Variants in FRMD4B observed in about 807,000 individuals in gnomAD.
The protein encoded by FRMD4B is FERM domain containing 4B.
A neutral mutation model predicts 141.5 loss-of-function variants in FRMD4B; 74 were observed. That is an observed-to-expected ratio of 0.52 (90% confidence interval 0.43 to 0.63). FRMD4B has a LOEUF of 0.63. FRMD4B is among the 30% of genes least tolerant of loss of function. FRMD4B has a pLI of 0.00. For synonymous variants in FRMD4B, 506 were observed against 467.9 expected, an observed-to-expected ratio of 1.08 and a Z score of -1.05; for missense variants, 1,366 against 1,253.4, an observed-to-expected ratio of 1.09 and a Z score of -1.36.
At chr3:69,403,988 T>C (rs1371630728) in intron 2 of FRMD4B, among the ~76,000 whole-genome samples, 1 of 152,214 alleles carries the variant, frequency 6.6e-6, no homozygotes, top group Admixed American at 6.5e-5. Flanking sequence ...CTTGAATTCC[T>C]GGGCTCAAGC....
chr3:69,300,618 TG>T (rs1701182661), intron 4 of FRMD4B, among the ~76,000 whole-genome samples: 1 of 152,272 alleles, frequency 6.6e-6, no homozygotes, highest in South Asian at 2.1e-4. Context: ...AGATGGTACT[TG>T]TTAGATGTTC....
At chr3:69,470,804 T>C (rs1276820388) in intron 1 of FRMD4B, among the ~76,000 whole-genome samples, 3 of 151,914 alleles carry the variant, frequency 2.0e-5, no homozygotes, top group African/African-American at 7.3e-5. Context: ...TATTTGGGCA[T>C]GACAAGATCT....
At chr3:69,335,615 C>G (rs939731704) in intron 1 of FRMD4B, among the ~76,000 whole-genome samples, 3 of 151,592 alleles carry the variant, frequency 2.0e-5, no homozygotes, top group African/African-American at 7.3e-5. Context: ...TGCAGCCGGC[C>G]CCATAATTGC....
intron 5 of FRMD4B, among the ~76,000 whole-genome samples, chr3:69,270,117 G>T (rs1236981985): frequency 1.3e-5 from 2 of 152,050 alleles, no homozygotes. Flanking sequence ...GCAGGCTCAA[G>T]CAATCCTCCT....
chr3:69,249,690 CAAGAAA>C (rs1018611118), intron 6 of FRMD4B, among the ~76,000 whole-genome samples: 1 of 152,128 alleles, frequency 6.6e-6, no homozygotes, highest in African/African-American at 2.4e-5. Context: ...TACTGGACCA[CAAGAAA>C]ATGTATACAA....
At chr3:69,185,177 T>TGTAGTCCTGCCACTCA (rs1260204313) in intron 19 of FRMD4B, among the ~76,000 whole-genome samples, 1 of 151,870 alleles carries the variant, frequency 6.6e-6, no homozygotes, top group Non-Finnish European at 1.5e-5. Flanking sequence ...GGCAGGCACC[T>TGTAGTCCTGCCACTCA]GTAGTCCCAG....
At chr3:69,449,922 G>A (rs1447490382) in intron 1 of FRMD4B, among the ~76,000 whole-genome samples, 3 of 152,140 alleles carry the variant, frequency 2.0e-5, no homozygotes, top group Non-Finnish European at 1.5e-5. Context: ...GCTGCTTCTG[G>A]AGTCATATAT....
intron 1 of FRMD4B, among the ~76,000 whole-genome samples, chr3:69,356,950 A>C (rs1473517684): frequency 1.3e-5 from 2 of 152,196 alleles, no homozygotes; most frequent in African/African-American, 4.8e-5. Context: ...TCTGATTTTT[A>C]AACAAAACTT....
At chr3:69,396,904 T>C (rs765064511) in intron 2 of FRMD4B, among the ~76,000 whole-genome samples, 3 of 152,196 alleles carry the variant, frequency 2.0e-5, no homozygotes, top group South Asian at 2.1e-4. Flanking sequence ...TTATTCATAA[T>C]AGCCAAATGG....
chr3:69,448,792 C>T (rs1412202916), intron 1 of FRMD4B, among the ~76,000 whole-genome samples: 1 of 152,112 alleles, frequency 6.6e-6, no homozygotes, highest in Non-Finnish European at 1.5e-5. Context: ...AATATTCAGA[C>T]TATAAAGAAT....
intron 1 of FRMD4B, among the ~76,000 whole-genome samples, chr3:69,360,081 C>A (rs1438063413): frequency 6.6e-6 from 1 of 152,146 alleles, no homozygotes; most frequent in Non-Finnish European, 1.5e-5. Flanking sequence ...TTCTGCAGAA[C>A]CTGGAGTTTT....
chr3:69,445,405 T>G (rs1015662751), intron 1 of FRMD4B, among the ~76,000 whole-genome samples: 2 of 152,204 alleles, frequency 1.3e-5, no homozygotes, highest in Non-Finnish European at 2.9e-5. Context: ...CCAGGTGGCC[T>G]CCTAAGAAAG....
At chr3:69,327,376 T>C (rs139592801) in intron 1 of FRMD4B, among the ~76,000 whole-genome samples, 3 of 152,344 alleles carry the variant, frequency 2.0e-5, no homozygotes, top group Admixed American at 6.5e-5. Flanking sequence ...CTATTCACGG[T>C]ATAATACATT....
intron 1 of FRMD4B, among the ~76,000 whole-genome samples, chr3:69,449,712 AT>A (rs892033797): frequency 6.7e-5 from 10 of 150,358 alleles, no homozygotes; most frequent in East Asian, 2.0e-4. Flanking sequence ...TAGTCTTGTG[AT>A]TTTTTTTTTC....
intron 1 of FRMD4B, among the ~76,000 whole-genome samples, chr3:69,495,382 G>C (rs1706367404): frequency 6.6e-6 from 1 of 152,188 alleles, no homozygotes; most frequent in Non-Finnish European, 1.5e-5. Flanking sequence ...ACCCCCTTTA[G>C]AAAGAAAGAG....
chr3:69,182,224 A>G (rs1267048075), intron 20 of FRMD4B, among the ~76,000 whole-genome samples: 1 of 152,178 alleles, frequency 6.6e-6, no homozygotes, highest in African/African-American at 2.4e-5. Flanking sequence ...TGAAAACAAT[A>G]TATAATATCT....
chr3:69,497,814 G>A (rs1706427521), intron 1 of FRMD4B, among the ~76,000 whole-genome samples: 1 of 152,062 alleles, frequency 6.6e-6, no homozygotes, highest in Non-Finnish European at 1.5e-5. Flanking sequence ...TCAAACTCCT[G>A]AGCTCAAGTG....
chr3:69,396,312 C>G (rs573000765), intron 2 of FRMD4B, among the ~76,000 whole-genome samples: 1 of 152,176 alleles, frequency 6.6e-6, no homozygotes, highest in East Asian at 1.9e-4. Flanking sequence ...CTAGACCAGC[C>G]TGGCCAATAT....
intron 1 of FRMD4B, among the ~76,000 whole-genome samples, chr3:69,482,334 A>T (rs1193605740): frequency 6.6e-6 from 1 of 152,214 alleles, no homozygotes; most frequent in Non-Finnish European, 1.5e-5. Flanking sequence ...CACAGAACTT[A>T]GTAAACTAAG....
Sources: gnomAD v4.1 joint callset for allele counts (sites outside exome capture counted in the v4.1 genomes callset) on GRCh38, gnomAD v4.1.1 for gene constraint, MANE v1.5 for transcripts, NCBI Gene and HGNC (gene_info 2026-07-23, HGNC 2026-07-21) for gene names.